Variants in DGCR8 observed in about 807,000 individuals in gnomAD.
The protein encoded by DGCR8 is DGCR8 microprocessor complex subunit.
In DGCR8, 14 loss-of-function variants were observed where a neutral mutation model predicts 78.5. That is an observed-to-expected ratio of 0.18 (90% CI 0.12 to 0.28). The LOEUF (loss-of-function observed/expected upper bound fraction) is 0.28. DGCR8 is among the 10% of genes least tolerant of loss of function. The pLI is 1.00. For missense variants in DGCR8, 702 were observed against 1,022.5 expected (o/e 0.69, Z 4.28); for synonymous variants, 399 against 402.4 (o/e 0.99, Z 0.10).
chr22:20,101,510 G>A lies in DGCR8; in HGVS notation c.1789-4667G>A, dbSNP rs1283514483. The A allele has an allele frequency of 7.8e-6, 7 of 901,088 alleles. No individual in the cohort carries two copies. The East Asian group carries it at 3.6e-4, about 46-fold the overall frequency. The allele number at this position is 901,088 out of a possible 1,614,324, so 55.8% of individuals were successfully genotyped here. On this transcript the variant is annotated intron_variant, in intron 9 of 13. Transcript: ENST00000351989. ...GGAGAATGGCGTGAACCCAGGAGGC[G>A]GAGCTTGCAGCGAGCTGAGATTGCG... is the stretch of plus-strand genomic sequence containing the variant.
chr22:20,093,112 G>A (rs574642592), intron 8 of DGCR8, among the ~76,000 whole-genome samples: 1 of 152,214 alleles, frequency 6.6e-6, no homozygotes, highest in Admixed American at 6.5e-5. Flanking sequence ...AGACTTAAAA[G>A]TAGAAGGCCT....
At chr22:20,107,422 A>C in intron 12 of DGCR8, 24 bp downstream of exon 12, 5 of 1,613,486 alleles carry the variant, frequency 3.1e-6, no homozygotes, top group Non-Finnish European at 4.2e-6. Context: ...AGCAGGTCCC[A>C]GGGCAGCCTG....
At chr22:20,084,643 C>G (rs971288786) in intron 1 of DGCR8, among the ~76,000 whole-genome samples, 1 of 152,218 alleles carries the variant, frequency 6.6e-6, no homozygotes, top group African/African-American at 2.4e-5. Flanking sequence ...CCTGGAGGTC[C>G]CCTCTGTTCT....
rs1029979887 is a variant in DGCR8, at chr22:20,103,391, C to T, written c.1789-2786C>T. Among the ~76,000 whole-genome samples the T allele has an allele frequency of 2.6e-5, 4 of 151,994 alleles. No homozygotes were observed. The East Asian group carries it at 5.8e-4, about 22-fold the overall frequency. The stretch of plus-strand genomic sequence containing the variant: ...ACTGTGATGAATAGTACCTTAGTTC[C>T]AATTGATTGTTTATTGCTAGCTTAC... On this transcript the variant is annotated intron_variant, in intron 9 of 13. Coordinates refer to ENST00000351989, the MANE Select transcript of DGCR8 (RefSeq NM_022720.7).
At chr22:20,098,152 A>C (rs1172993661) in intron 9 of DGCR8, among the ~76,000 whole-genome samples, 1 of 150,780 alleles carries the variant, frequency 6.6e-6, no homozygotes, top group African/African-American at 2.4e-5. Context: ...AAAAAGAAAA[A>C]AAATATATAT....
At chr22:20,102,092 T>C (rs532998224) in intron 9 of DGCR8, 17 of 974,288 alleles carry the variant, frequency 1.7e-5, no homozygotes, top group South Asian at 4.8e-5. Context: ...TTTTTTTTTT[T>C]CATCTTATTT....
intron 1 of DGCR8, among the ~76,000 whole-genome samples, chr22:20,083,167 A>G (rs896889662): frequency 6.6e-6 from 1 of 152,142 alleles, no homozygotes; most frequent in Non-Finnish European, 1.5e-5. Context: ...GATGCAGGCC[A>G]TGAGGCCTTC....
chr22:20,096,207 A>C, intron 9 of DGCR8, among the ~76,000 whole-genome samples: 1 of 152,208 alleles, frequency 6.6e-6, no homozygotes, highest in South Asian at 2.1e-4. Context: ...TATTAAGAAA[A>C]TCATAAGGAA....
In DGCR8 at chr22:20,089,883, G is replaced by A; in HGVS notation, c.1023+72G>A. ...CAAAACGTGCACATCCACACACATG[G>A]CACCGCAGCCAAGCAGAGGCCGGTG... On this transcript the variant is annotated intron_variant, in intron 4 of 13. Coordinates refer to ENST00000351989, the MANE Select transcript of DGCR8 (RefSeq NM_022720.7). This position sits in a 1 kb window ranked among gnomAD's most constrained non-coding sequence, Gnocchi z 4.9. 1 of 1,595,206 alleles carries A rather than the reference G, an allele frequency of 6.3e-7. No individual in the cohort carries two copies. The highest frequency in any genetic ancestry group is 8.6e-7 in the Non-Finnish European group (1 of 1,168,378).
Position 20,094,775 on chromosome 22 carries a change from A to G in DGCR8, c.1768A>G (p.Lys590Glu), listed in dbSNP as rs1568956815. ...FVKQTSEEKP[K>E]DSEELEYFNH... is the part of the protein sequence containing the mutation. ...TAAACAGACCTCTGAAGAGAAGCCCAAAGACAGTGAAGAACTCGAGGTGAG... is the reference window on the plus strand; with the variant it reads ...TAAACAGACCTCTGAAGAGAAGCCCGAAGACAGTGAAGAACTCGAGGTGAG... Residue 590 changes from lysine to glutamate, a missense_variant, in exon 9 of 14, where the codon AAA becomes GAA. Coordinates refer to ENST00000351989, the MANE Select transcript of DGCR8 (RefSeq NM_022720.7). 7 of 1,614,116 alleles carry G rather than the reference A, an allele frequency of 4.3e-6. No homozygotes were observed. Among genetic ancestry groups the G allele is most frequent in the Non-Finnish European group, 4.2e-6 (5 of 1,179,970 alleles).
intron 1 of DGCR8, among the ~76,000 whole-genome samples, chr22:20,084,590 A>G (rs568911833): frequency 2.4e-4 from 37 of 152,222 alleles, no homozygotes; most frequent in African/African-American, 8.7e-4. Context: ...TATCTGGACC[A>G]GTCATGGCTC....
rs762411031 is a variant in DGCR8 at position 20,089,846 on chromosome 22, A to G, written c.1023+35A>G. ...GCATCAGTCGTGACTTTAGGCTTGT[A>G]AGTTCTCAGACCAAAACGTGCACAT... On this transcript the variant is annotated intron_variant, in intron 4 of 13. Coordinates refer to ENST00000351989, the MANE Select transcript of DGCR8 (RefSeq NM_022720.7). This position sits in a 1 kb window ranked among gnomAD's most constrained non-coding sequence, Gnocchi z 4.9. 31 of 1,610,118 alleles carry G rather than the reference A, an allele frequency of 1.9e-5. No individual in the cohort carries two copies. In the African/African-American group the frequency reaches 3.6e-4, roughly 19 times the overall value.
chr22:20,084,435 C>A (rs1418140714), intron 1 of DGCR8, among the ~76,000 whole-genome samples: 1 of 152,192 alleles, frequency 6.6e-6, no homozygotes, highest in Non-Finnish European at 1.5e-5. Context: ...CCCCCTCAGA[C>A]CCATCTTCCC....
In DGCR8 at chr22:20,086,490, G is replaced by A. The variant is rs764298892; in HGVS notation, c.527G>A (p.Gly176Asp). The change falls in exon 2 of 14, where the codon GGT (glycine) becomes GAT (aspartate). Residue 176 changes from glycine to aspartate, a missense_variant. Transcript: ENST00000351989. This position sits in a 1 kb window ranked among gnomAD's most constrained non-coding sequence, Gnocchi z 6.4. ...GSVGDGVGIG[G>D]ESADKKDEEN... ...GTTGGTGACGGGGTAGGCATAGGGG[G>A]TGAGAGTGCTGATAAGAAGGATGAG... 6.2e-7 allele frequency: 1 copy of A among 1,614,062 alleles called. No homozygotes were observed. The highest frequency in any genetic ancestry group is 1.7e-5 in the Admixed American group (1 of 60,022).
chr22:20,100,914 TG>T (rs1195005545), intron 9 of DGCR8: 61 of 861,266 alleles, frequency 7.1e-5, no homozygotes, highest in Non-Finnish European at 8.4e-5. Flanking sequence ...CAGCCGCAAA[TG>T]GGGGCCCCTG....
Position 20,081,212 on chromosome 22 carries a change from G to A in DGCR8, c.-278+829G>A, listed in dbSNP as rs531627709. Among the ~76,000 whole-genome samples the A allele has an allele frequency of 3.3e-5, 5 of 152,350 alleles. No individual in the cohort carries two copies. In the South Asian group the frequency reaches 1.0e-3, roughly 32 times the overall value. On this transcript the variant is annotated intron_variant, in intron 1 of 13. Transcript: ENST00000351989. ...AGGTCATACTGCCGCTGGGTTGGGCGGGAGGCTGCAGCGGGAGAGACTTGA... is the reference window on the plus strand; with the variant it reads ...AGGTCATACTGCCGCTGGGTTGGGCAGGAGGCTGCAGCGGGAGAGACTTGA...
At chr22:20,092,944 C>T (rs1004550902) in intron 8 of DGCR8, 37 bp downstream of exon 8, 130 of 1,546,284 alleles carry the variant, frequency 8.4e-5, no homozygotes, top group Non-Finnish European at 1.1e-4. Flanking sequence ...ATACGTGCTG[C>T]CTGCTGTGTC....
At chr22:20,092,117 G>A in intron 7 of DGCR8, 147 bp downstream of exon 7, 1 of 665,294 alleles carries the variant, frequency 1.5e-6, no homozygotes, top group Non-Finnish European at 2.6e-6. Context: ...GCAGATGGGT[G>A]GCTTGTTTCC....
chr22:20,106,556 CA>C, intron 10 of DGCR8, 35 bp from the exon 11 acceptor site: 1 of 1,506,512 alleles, frequency 6.6e-7, no homozygotes, highest in Non-Finnish European at 9.2e-7. Context: ...CTGCTCTGCT[CA>C]GGGGACGCCA....
Sources: gnomAD v4.1 joint callset for allele counts (sites outside exome capture counted in the v4.1 genomes callset) on GRCh38, gnomAD v4.1.1 for gene constraint, Gnocchi (gnomAD v3.1) non-coding constraint, MANE v1.5 for transcripts, NCBI Gene and HGNC (gene_info 2026-07-23, HGNC 2026-07-21) for gene names.